The following LAMA3 variants were observed in gnomAD, a reference collection of about 807,000 sequenced individuals.
The protein encoded by LAMA3 is laminin subunit alpha-3.
Under a neutral mutation model 402.0 loss-of-function variants are expected in LAMA3, and 281 were observed. The ratio of observed to expected loss-of-function variants is 0.70; its 90% CI spans 0.63 to 0.77. The LOEUF (loss-of-function observed/expected upper bound fraction) is 0.77, where lower values mean the gene tolerates loss of function less well. Ranked by LOEUF, LAMA3 falls within the 30% of genes least tolerant of loss-of-function variation. The pLI, the probability that LAMA3 is intolerant of heterozygous loss-of-function variation, is 0.00. For missense variants in LAMA3, 3,840 were observed against 4,215.5 expected (o/e 0.91, Z 2.47); for synonymous variants, 1,431 against 1,558.4 (o/e 0.92, Z 1.93).
intron 12 of LAMA3, among the ~76,000 whole-genome samples, chr18:23,788,872 A>T (rs1327601575): frequency 6.6e-6 from 1 of 151,706 alleles, no homozygotes. Flanking sequence ...CATATATCTG[A>T]TAAGGCACTA....
rs62093355 is a variant in LAMA3, at chr18:23,753,756, G to A, written c.891G>A (p.Gly297=). Residue 297 remains glycine, a synonymous_variant, in exon 6 of 75, where the codon GGG becomes GGA. Transcript: ENST00000313654. ...YYSIKDISIG[G]QCVCNGHAEV... is the part of the protein sequence containing the mutation. The stretch of plus-strand genomic sequence containing the variant: ...GCATAAAGGACATCAGCATTGGTGG[G>A]CAGTGTGTTTGCAATGGCCATGCTG... 3.3e-3 allele frequency: 5,311 copies of A among 1,613,872 alleles called. 20 individuals are homozygous for A. Among genetic ancestry groups the A allele is most frequent in the Middle Eastern group, 8.3e-3 (50 of 6,058 alleles).
chr18:23,739,799 A>G (rs1028264466), intron 2 of LAMA3, among the ~76,000 whole-genome samples: 4 of 152,228 alleles, frequency 2.6e-5, no homozygotes, highest in Non-Finnish European at 4.4e-5. Flanking sequence ...GTTGAAGCCT[A>G]TTCTGGTGTA....
intron 62 of LAMA3, among the ~76,000 whole-genome samples, chr18:23,926,109 G>A (rs1037124014): frequency 6.6e-6 from 1 of 152,162 alleles, no homozygotes; most frequent in Non-Finnish European, 1.5e-5. Context: ...CATGGTCAGT[G>A]CTCAATAAAT....
intron 18 of LAMA3, among the ~76,000 whole-genome samples, chr18:23,819,484 A>C (rs946630481): frequency 1.3e-5 from 2 of 152,218 alleles, no homozygotes; most frequent in African/African-American, 4.8e-5. Flanking sequence ...GAGTGAATGA[A>C]TATATAAATG....
intron 8 of LAMA3, among the ~76,000 whole-genome samples, chr18:23,772,869 G>A (rs551318179): frequency 5.3e-4 from 81 of 152,272 alleles, no homozygotes; most frequent in African/African-American, 1.9e-3. Context: ...ATGCATGTTG[G>A]GTAATTTAAT....
chr18:23,941,627 G>A (rs1258790271), intron 68 of LAMA3, among the ~76,000 whole-genome samples: 2 of 151,938 alleles, frequency 1.3e-5, no homozygotes, highest in African/African-American at 4.8e-5. Flanking sequence ...CTTTAAACTG[G>A]TGCCATTGCT....
At chr18:23,789,151 C>T (rs1360533074) in intron 12 of LAMA3, among the ~76,000 whole-genome samples, 2 of 151,968 alleles carry the variant, frequency 1.3e-5, no homozygotes, top group Non-Finnish European at 1.5e-5. Context: ...ATTTTATATC[C>T]ACTAGAAAGG....
Position 23,842,432 on chromosome 18 carries a change from G to A in LAMA3, c.3374G>A (p.Gly1125Asp), listed in dbSNP as rs532789849. Reference protein sequence around the residue: ...VTLRGRVPHLGRYVFVIHFYQ... With the variant: ...VTLRGRVPHLDRYVFVIHFYQ... ...CTGAGAGGACGTGTACCACACCTGG[G>A]CCGATACGTCTTTGTCATCCATTTT... Residue 1125 changes from glycine (G) to aspartate (D), a missense_variant, in exon 28 of 75, where the codon GGC becomes GAC. By Grantham distance (94) the Gly-to-Asp change is moderately conservative. Around this residue, in one of 3 missense-constraint regions of LAMA3, gnomAD observed 2,109 missense variants for 2,376.0 expected, o/e 0.89. Transcript: ENST00000313654. 10 of 1,614,056 alleles carry A rather than the reference G, an allele frequency of 6.2e-6. No individual in the cohort carries two copies. The East Asian group carries it at 2.2e-4, about 36-fold the overall frequency.
intron 12 of LAMA3, among the ~76,000 whole-genome samples, chr18:23,803,667 A>C (rs1435483285): frequency 3.3e-5 from 5 of 152,206 alleles, no homozygotes; most frequent in Admixed American, 2.6e-4. Flanking sequence ...TTCTCCTTCC[A>C]AGCAAAGTGA....
rs1484712314 is a variant in LAMA3, at chr18:23,833,180, G to A, written c.2824-648G>A. On this transcript the variant is annotated intron_variant, in intron 23 of 74. Transcript: ENST00000313654. ...ATAGTAAATATTTTTGGTTTTGCAG[G>A]CCCTGTGGTCTCTGTCATCATAGCA... 3.3e-5 allele frequency among the ~76,000 whole-genome samples: 5 copies of A among 152,194 alleles called. No homozygotes were observed. The South Asian group carries it at 8.3e-4, about 25-fold the overall frequency.
At chr18:23,835,270 G>A (rs372820382) in intron 24 of LAMA3, among the ~76,000 whole-genome samples, 17 of 152,286 alleles carry the variant, frequency 1.1e-4, no homozygotes, top group South Asian at 6.2e-4. Flanking sequence ...CTTGACTACT[G>A]TTGCTCAGGA....
Position 23,928,204 on chromosome 18 carries a change from T to G in LAMA3, c.8259T>G (p.Thr2753=). ...GTGGTGTCGTTAGATTGAATGATAC[T>G]GTGGGAGTAACCAAAAAGTGCTCGG... The part of the protein sequence containing the change: ...KTSGVVRLND[T]VGVTKKCSED... Residue 2753 remains threonine, a synonymous_variant, in exon 63 of 75, where the codon ACT becomes ACG. Coordinates refer to ENST00000313654, the MANE Select transcript of LAMA3 (RefSeq NM_198129.4). 6.2e-7 allele frequency: 1 copy of G among 1,613,710 alleles called. No individual in the cohort carries two copies.
At chr18:23,935,302 T>C (rs2082279398) in intron 67 of LAMA3, among the ~76,000 whole-genome samples, 3 of 152,206 alleles carry the variant, frequency 2.0e-5, no homozygotes, top group Admixed American at 2.0e-4. Flanking sequence ...GAATGGAGTT[T>C]GTGGTGTATT....
At chr18:23,795,504 A>C (rs368803344) in intron 12 of LAMA3, among the ~76,000 whole-genome samples, 1 of 152,224 alleles carries the variant, frequency 6.6e-6, no homozygotes, top group East Asian at 1.9e-4. Context: ...TATGAGATTA[A>C]ATAGTGAAAA....
intron 24 of LAMA3, among the ~76,000 whole-genome samples, chr18:23,836,493 C>G (rs1190481007): frequency 6.6e-6 from 1 of 152,120 alleles, no homozygotes; most frequent in East Asian, 1.9e-4. Flanking sequence ...AGAGATACCA[C>G]AGGTAGAAAT....
intron 13 of LAMA3, among the ~76,000 whole-genome samples, chr18:23,811,090 G>A (rs1315009752): frequency 2.6e-5 from 4 of 152,122 alleles, no homozygotes; most frequent in East Asian, 1.9e-4. Context: ...AGTGCACTGA[G>A]GGGGAGATGA....
intron 14 of LAMA3, 150 bp downstream of exon 14, chr18:23,813,253 T>C: frequency 3.4e-6 from 2 of 588,748 alleles, no homozygotes; most frequent in Non-Finnish European, 5.9e-6. Context: ...AAAGAGCATA[T>C]GTGATTTTGT....
At chr18:23,898,920 T>C (rs1300070491) in intron 45 of LAMA3, 34 bp from the exon 46 acceptor site, 2 of 1,589,512 alleles carry the variant, frequency 1.3e-6, no homozygotes, top group Non-Finnish European at 1.7e-6. Context: ...CTTATTGACT[T>C]AATTTGCTGC....
chr18:23,939,111 CCCT>C, intron 67 of LAMA3, 109 bp from the exon 68 acceptor site: 1 of 1,131,252 alleles, frequency 8.8e-7, no homozygotes, highest in East Asian at 2.4e-5. Flanking sequence ...CCTTCTATTG[CCCT>C]ACTGAATTCC....
Sources: allele counts gnomAD v4.1 joint callset (sites outside exome capture counted in the v4.1 genomes callset), GRCh38; gene constraint gnomAD v4.1.1; regional missense constraint gnomAD v4.1.1; transcripts MANE v1.5; gene names NCBI Gene and HGNC (gene_info 2026-07-23, HGNC 2026-07-21).